XKR4: variants seen among roughly 807,000 people sequenced by gnomAD.
XKR4 encodes the protein XK related 4, also known as XK-related protein 4.
Under a neutral mutation model 53.9 loss-of-function variants are expected in XKR4, and 12 were observed. The ratio of observed to expected loss-of-function variants is 0.22; its 90% CI spans 0.14 to 0.36. The LOEUF (loss-of-function observed/expected upper bound fraction) is 0.36. XKR4 is among the 10% of genes least tolerant of loss of function. The pLI, the probability that XKR4 is intolerant of heterozygous loss-of-function variation, is 1.00. For synonymous variants in XKR4, 354 were observed against 362.4 expected (o/e 0.98, Z 0.26); for missense variants, 799 against 859.5 (o/e 0.93, Z 0.88).
At chr8:55,136,479 T>C (rs745890515) in intron 1 of XKR4, among the ~76,000 whole-genome samples, 8 of 152,124 alleles carry the variant, frequency 5.3e-5, no homozygotes, top group Non-Finnish European at 1.0e-4. Context: ...CACATGAGAG[T>C]TTTGAGTAAG....
At chr8:55,220,723 T>C (rs1231116548) in intron 1 of XKR4, among the ~76,000 whole-genome samples, 4 of 152,216 alleles carry the variant, frequency 2.6e-5, no homozygotes, top group Non-Finnish European at 5.9e-5. Context: ...ACTGTCTCCT[T>C]TTTCCCCAGA....
chr8:55,164,062 C>A, intron 1 of XKR4: 1 of 363,084 alleles, frequency 2.8e-6, no homozygotes, highest in Non-Finnish European at 5.5e-6. Context: ...TTTCAGGAGG[C>A]TCCTTTGCCC....
chr8:55,418,730 A>C (rs1804884453), intron 2 of XKR4, among the ~76,000 whole-genome samples: 1 of 152,196 alleles, frequency 6.6e-6, no homozygotes. Context: ...TCAGTGAGGC[A>C]CAGGCTCAGT....
At chr8:55,238,832 A>C (rs573366336) in intron 1 of XKR4, among the ~76,000 whole-genome samples, 1 of 152,378 alleles carries the variant, frequency 6.6e-6, no homozygotes, top group South Asian at 2.1e-4. Context: ...TGTTAGCAAC[A>C]AAGTGATTCT....
intron 2 of XKR4, among the ~76,000 whole-genome samples, chr8:55,436,205 G>A (rs1017864187): frequency 6.6e-6 from 1 of 152,034 alleles, no homozygotes; most frequent in African/African-American, 2.4e-5. Flanking sequence ...TAATTAACAG[G>A]TTCTCGATTC....
intron 2 of XKR4, among the ~76,000 whole-genome samples, chr8:55,400,089 T>C (rs1345768200): frequency 6.6e-6 from 1 of 152,152 alleles, no homozygotes; most frequent in South Asian, 2.1e-4. Context: ...GGTGGAAATC[T>C]CAAAACACCT....
At chr8:55,413,203 G>A (rs1029378385) in intron 2 of XKR4, among the ~76,000 whole-genome samples, 5 of 152,080 alleles carry the variant, frequency 3.3e-5, no homozygotes, top group African/African-American at 4.8e-5. Context: ...TTGATCCTAC[G>A]ACAGACATAT....
At chr8:55,457,474 T>C (rs1430862367) in intron 2 of XKR4, among the ~76,000 whole-genome samples, 1 of 152,170 alleles carries the variant, frequency 6.6e-6, no homozygotes, top group African/African-American at 2.4e-5. Context: ...AACCAAGAAT[T>C]CTGTGTCCAT....
chr8:55,212,536 A>G (rs1201749384), intron 1 of XKR4, among the ~76,000 whole-genome samples: 2 of 152,192 alleles, frequency 1.3e-5, no homozygotes, highest in African/African-American at 2.4e-5. Context: ...ATAATGAGGC[A>G]TATCCTACCA....
At chr8:55,464,803 T>C (rs1335361994) in intron 2 of XKR4, among the ~76,000 whole-genome samples, 1 of 152,108 alleles carries the variant, frequency 6.6e-6, no homozygotes, top group Non-Finnish European at 1.5e-5. Context: ...GGATACAAAA[T>C]CAATGTACAA....
At chr8:55,284,017 A>G (rs1374703482) in intron 1 of XKR4, among the ~76,000 whole-genome samples, 1 of 152,232 alleles carries the variant, frequency 6.6e-6, no homozygotes, top group Non-Finnish European at 1.5e-5. Context: ...GAAGTCTAAT[A>G]TAATTGACTC....
intron 2 of XKR4, among the ~76,000 whole-genome samples, chr8:55,361,534 C>A (rs1376943706): frequency 1.3e-5 from 2 of 152,058 alleles, no homozygotes; most frequent in East Asian, 3.9e-4. Flanking sequence ...CCTGGCCGGA[C>A]CATGTGCACT....
chr8:55,514,459 G>A (rs1250405058), intron 2 of XKR4, among the ~76,000 whole-genome samples: 9 of 151,992 alleles, frequency 5.9e-5, no homozygotes, highest in African/African-American at 1.9e-4. Context: ...GTTTCACCAC[G>A]TTGGCCAGAC....
intron 2 of XKR4, among the ~76,000 whole-genome samples, chr8:55,387,393 C>T (rs1804336408): frequency 6.6e-6 from 1 of 152,218 alleles, no homozygotes; most frequent in South Asian, 2.1e-4. Flanking sequence ...GCATGAACTT[C>T]CACATTCTCT....
chr8:55,257,434 C>T (rs561937765), intron 1 of XKR4, among the ~76,000 whole-genome samples: 9 of 148,940 alleles, frequency 6.0e-5, no homozygotes, highest in African/African-American at 1.5e-4. Flanking sequence ...GAGGAAGGGA[C>T]GAGGGGAGAA....
At chr8:55,386,612 C>A (rs190138495) in intron 2 of XKR4, among the ~76,000 whole-genome samples, 1 of 152,144 alleles carries the variant, frequency 6.6e-6, no homozygotes, top group African/African-American at 2.4e-5. Flanking sequence ...TATTTCCACA[C>A]CTGCTGCCAT....
intron 1 of XKR4, among the ~76,000 whole-genome samples, chr8:55,347,123 A>G (rs1003081821): frequency 2.6e-5 from 4 of 152,194 alleles, no homozygotes; most frequent in Admixed American, 6.5e-5. Flanking sequence ...TAGATTAAAT[A>G]TGTACTAGCT....
chr8:55,455,381 C>T (rs2975978), intron 2 of XKR4, among the ~76,000 whole-genome samples: 1 of 152,154 alleles, frequency 6.6e-6, no homozygotes, highest in East Asian at 1.9e-4. Context: ...CTGTGGCCCT[C>T]TTCGCAAAGA....
chr8:55,145,588 A>G (rs1816763698), intron 1 of XKR4, among the ~76,000 whole-genome samples: 1 of 152,236 alleles, frequency 6.6e-6, no homozygotes, highest in Non-Finnish European at 1.5e-5. Flanking sequence ...TCTACAGCGC[A>G]TCAAAATGAT....
Sources: allele counts gnomAD v4.1 joint callset (sites outside exome capture counted in the v4.1 genomes callset), GRCh38; gene constraint gnomAD v4.1.1; transcripts MANE v1.5; gene names NCBI Gene and HGNC (gene_info 2026-07-23, HGNC 2026-07-21).